Variants in CDK5RAP2 observed in about 807,000 individuals in gnomAD.
CDK5RAP2 encodes the protein CDK5 regulatory subunit-associated protein 2.
In CDK5RAP2, 147 loss-of-function variants were observed where a neutral mutation model predicts 232.9. The observed-to-expected ratio is 0.63, with a 90% CI of 0.55 to 0.72. The LOEUF (loss-of-function observed/expected upper bound fraction) is 0.72. Among genes scored for constraint, CDK5RAP2 ranks in the 30% least tolerant of loss-of-function variants. The probability of loss-of-function intolerance (pLI) is 0.00; values close to 1 mark genes in which losing one functional copy is unlikely to be tolerated. For synonymous variants in CDK5RAP2, 833 were observed against 833.7 expected (o/e 1.00, Z 0.01); for missense variants, 2,195 against 2,231.5 (o/e 0.98, Z 0.33).
intron 6 of CDK5RAP2, among the ~76,000 whole-genome samples, chr9:120,537,000 G>A (rs1357195032): frequency 4.0e-5 from 6 of 150,362 alleles, no homozygotes; most frequent in Non-Finnish European, 8.9e-5. Context: ...AAAAACAACT[G>A]TATGTTCTTC....
intron 34 of CDK5RAP2, 30 bp downstream of exon 34, chr9:120,402,776 T>C (rs778396644): frequency 2.5e-6 from 4 of 1,612,478 alleles, no homozygotes; most frequent in East Asian, 4.5e-5. Context: ...AGGGAGCAGC[T>C]TGTGCCCCCC....
At chr9:120,397,544 TAAAAAAAAAAAAAAAAAAAAAGAA>T (rs2032595333) in intron 35 of CDK5RAP2, among the ~76,000 whole-genome samples, 1 of 49,196 alleles carries the variant, frequency 2.0e-5, no homozygotes, top group Admixed American at 2.8e-4. Flanking sequence ...AAAACATTCT[TAAAAAAAAAAAAAAAAAAAAAGAA>T]AAAAGAAAAA....
rs767127554 is a variant in CDK5RAP2, at chr9:120,530,025, G to A, written c.778C>T (p.Arg260Ter). The change falls in exon 8 of 38, where the codon CGA becomes TGA. Residue 260 changes from arginine to a stop codon, truncating the protein, a stop_gained. Coordinates refer to ENST00000349780, the MANE Select transcript of CDK5RAP2 (RefSeq NM_018249.6). LOFTEE classifies it high-confidence loss of function. ...PDENVSSGEL[R>*]GLCAAPREEK... ...TCCCTTGGAGCAGCACAAAGTCCTC[G>A]GAGCTCTCCAGATGACACATTCTCA... is the stretch of plus-strand genomic sequence containing the variant. The A allele has an allele frequency of 2.5e-6, 4 of 1,613,930 alleles. No individual in the cohort carries two copies. The highest frequency in any genetic ancestry group is 2.2e-5 in the East Asian group (1 of 44,874).
chr9:120,507,005 T>G (rs1413583532), intron 12 of CDK5RAP2, among the ~76,000 whole-genome samples: 1 of 152,172 alleles, frequency 6.6e-6, no homozygotes, highest in Non-Finnish European at 1.5e-5. Context: ...AGAGAAATAT[T>G]TTGTGAAAGG....
intron 12 of CDK5RAP2, 114 bp downstream of exon 12, chr9:120,518,313 A>G: frequency 6.1e-6 from 5 of 825,992 alleles, no homozygotes; most frequent in South Asian, 5.8e-5. Context: ...TACTGAGATA[A>G]TAAGTGAAAT....
intron 22 of CDK5RAP2, 21 bp from the exon 23 acceptor site, chr9:120,443,763 A>C (rs765315403): frequency 9.3e-6 from 15 of 1,613,772 alleles, no homozygotes; most frequent in Middle Eastern, 3.3e-4. Flanking sequence ...TCACAAAGAG[A>C]AAGAAAAATA....
chr9:120,441,964 A>G (rs538120078), intron 23 of CDK5RAP2, among the ~76,000 whole-genome samples: 14 of 152,182 alleles, frequency 9.2e-5, no homozygotes, highest in Non-Finnish European at 1.6e-4. Flanking sequence ...GGGGAGGGAG[A>G]TATCTCTCCA....
chr9:120,446,545 G>T (rs370666392), intron 22 of CDK5RAP2, among the ~76,000 whole-genome samples: 3 of 152,202 alleles, frequency 2.0e-5, no homozygotes, highest in South Asian at 2.1e-4. Flanking sequence ...CCACTTTAAG[G>T]CTTAAGTCAA....
chr9:120,423,198 T>C (rs1241577422), intron 25 of CDK5RAP2, among the ~76,000 whole-genome samples: 1 of 152,232 alleles, frequency 6.6e-6, no homozygotes, highest in Non-Finnish European at 1.5e-5. Context: ...ATTATTATTA[T>C]AGCCATTTCT....
At chr9:120,404,570 A>G (rs561166899) in intron 32 of CDK5RAP2, among the ~76,000 whole-genome samples, 57 of 152,328 alleles carry the variant, frequency 3.7e-4, no homozygotes, top group African/African-American at 1.3e-3. Flanking sequence ...AAAGAGTGGA[A>G]TCATCGCTCA....
At chr9:120,460,709 AG>A (rs2037038553) in intron 18 of CDK5RAP2, 42 bp from the exon 19 acceptor site, 1 of 1,613,436 alleles carries the variant, frequency 6.2e-7, no homozygotes, top group South Asian at 1.1e-5. Context: ...AACCCAAAAA[AG>A]TGTGCAGCAT....
intron 13 of CDK5RAP2, among the ~76,000 whole-genome samples, chr9:120,487,931 C>A (rs1224710700): frequency 1.3e-5 from 2 of 152,202 alleles, no homozygotes; most frequent in African/African-American, 4.8e-5. Flanking sequence ...AAAAGGAGAT[C>A]TGACTTCCAG....
At chr9:120,539,709 C>T (rs951108619) in intron 5 of CDK5RAP2, among the ~76,000 whole-genome samples, 8 of 152,188 alleles carry the variant, frequency 5.3e-5, no homozygotes, top group Non-Finnish European at 7.3e-5. Context: ...AGTAATGTTA[C>T]GATAAAAGCA....
intron 18 of CDK5RAP2, among the ~76,000 whole-genome samples, chr9:120,463,132 G>A (rs1001316488): frequency 3.9e-5 from 6 of 152,154 alleles, no homozygotes; most frequent in Non-Finnish European, 5.9e-5. Context: ...AGCACTTTGG[G>A]AGGCTGAGGT....
chr9:120,476,474 T>C (rs930649392), intron 15 of CDK5RAP2, among the ~76,000 whole-genome samples: 2 of 151,764 alleles, frequency 1.3e-5, no homozygotes, highest in Non-Finnish European at 2.9e-5. Flanking sequence ...GGTCAGGAGA[T>C]CAAGACCATC....
intron 14 of CDK5RAP2, among the ~76,000 whole-genome samples, chr9:120,481,580 T>A (rs570060611): frequency 6.7e-6 from 1 of 148,648 alleles, no homozygotes; most frequent in Non-Finnish European, 1.5e-5. Flanking sequence ...TGACGCACTC[T>A]CTGCTCAATG....
chr9:120,511,172 G>C (rs765800314), intron 12 of CDK5RAP2, among the ~76,000 whole-genome samples: 4 of 152,172 alleles, frequency 2.6e-5, no homozygotes, highest in Admixed American at 6.5e-5. Flanking sequence ...CTAAAGAAGA[G>C]GCACAATGAG....
chr9:120,528,042 G>C, intron 9 of CDK5RAP2, 117 bp from the exon 10 acceptor site: 1 of 1,366,110 alleles, frequency 7.3e-7, no homozygotes, highest in Non-Finnish European at 1.0e-6. Flanking sequence ...CTGTCAACCT[G>C]TGATTAATGT....
chr9:120,496,670 C>A (rs1417911651), intron 12 of CDK5RAP2, among the ~76,000 whole-genome samples: 1 of 137,964 alleles, frequency 7.2e-6, no homozygotes, highest in Non-Finnish European at 1.6e-5. Flanking sequence ...GCCAGCCGCC[C>A]CGTCCGGGAG....
Sources: gnomAD v4.1 joint callset for allele counts (sites outside exome capture counted in the v4.1 genomes callset) on GRCh38, gnomAD v4.1.1 for gene constraint, MANE v1.5 for transcripts, NCBI Gene and HGNC (gene_info 2026-07-23, HGNC 2026-07-21) for gene names.